Variants in PURG observed in about 807,000 individuals in gnomAD.
PURG encodes the protein purine-rich element-binding protein gamma.
PURG carries 3 observed loss-of-function variants against 24.3 expected under a neutral mutation model. The observed-to-expected ratio is 0.12, with a 90% CI of 0.06 to 0.32. The LOEUF (loss-of-function observed/expected upper bound fraction) is 0.32, where lower values mean the gene tolerates loss of function less well. Among genes scored for constraint, PURG ranks in the 10% least tolerant of loss-of-function variants. The pLI is 1.00. For missense variants in PURG, 371 were observed against 439.1 expected (o/e 0.84, Z 1.39); for synonymous variants, 180 against 173.1 (o/e 1.04, Z -0.31).
downstream of PURG, among the ~76,000 whole-genome samples, chr8:31,029,782 T>C (rs1035344583): frequency 6.6e-6 from 1 of 151,908 alleles, no homozygotes; most frequent in Non-Finnish European, 1.5e-5. Flanking sequence ...GTGCACATCA[T>C]TCCTTCATAG....
chr8:31,023,795 A>G (rs1051547323), intron 1 of PURG, among the ~76,000 whole-genome samples: 1 of 152,158 alleles, frequency 6.6e-6, no homozygotes, highest in African/African-American at 2.4e-5. Flanking sequence ...TATTTCTAGC[A>G]TAGGATATTG....
At chr8:31,003,479 T>C (rs1295903922) in intron 1 of PURG, among the ~76,000 whole-genome samples, 1 of 151,878 alleles carries the variant, frequency 6.6e-6, no homozygotes, top group Non-Finnish European at 1.5e-5. Flanking sequence ...TACAGAAAAC[T>C]GGCTGGGCAC....
At chr8:31,015,857 C>T (rs759645629) in intron 1 of PURG, among the ~76,000 whole-genome samples, 13 of 151,830 alleles carry the variant, frequency 8.6e-5, no homozygotes, top group African/African-American at 1.2e-4. Context: ...TTAACACCAG[C>T]TGGGTCAACA....
intron 1 of PURG, among the ~76,000 whole-genome samples, chr8:31,010,922 G>A (rs1034250763): frequency 1.3e-5 from 2 of 152,044 alleles, no homozygotes; most frequent in African/African-American, 4.8e-5. Flanking sequence ...AAAACTTTCA[G>A]GACAAATTTT....
At chr8:31,009,963 G>A (rs1463182393) in intron 1 of PURG, among the ~76,000 whole-genome samples, 1 of 152,128 alleles carries the variant, frequency 6.6e-6, no homozygotes, top group African/African-American at 2.4e-5. Context: ...TGGGCATGGT[G>A]GTGCATGCCT....
At chr8:30,996,655 G>A in exon 2 of PURG, 2 of 1,612,128 alleles carry the variant, frequency 1.2e-6, no homozygotes, top group Non-Finnish European at 1.7e-6. Flanking sequence ...TGACAACAGT[G>A]AAAAAGGTTG....
chr8:31,005,970 A>AT (rs766076078), intron 1 of PURG, among the ~76,000 whole-genome samples: 19 of 152,106 alleles, frequency 1.2e-4, no homozygotes, highest in South Asian at 2.1e-4. Context: ...AGGAAACAAG[A>AT]TTTTACCTTA....
intron 1 of PURG, among the ~76,000 whole-genome samples, chr8:31,020,720 A>G (rs570062706): frequency 2.6e-5 from 4 of 152,328 alleles, no homozygotes; most frequent in African/African-American, 9.6e-5. Context: ...AAGAAGGAGT[A>G]GCTCTCAGTC....
At chr8:31,011,109 A>G (rs1341440924) in intron 1 of PURG, among the ~76,000 whole-genome samples, 12 of 152,226 alleles carry the variant, frequency 7.9e-5, no homozygotes, top group Non-Finnish European at 1.5e-4. Flanking sequence ...ATTTTTGTCA[A>G]TCCAAACATA....
chr8:31,018,362 C>T (rs1013770523), intron 1 of PURG, among the ~76,000 whole-genome samples: 1 of 152,198 alleles, frequency 6.6e-6, no homozygotes, highest in Non-Finnish European at 1.5e-5. Context: ...TAACAATTCA[C>T]CTTTTCTGAT....
chr8:31,033,013 C>T (rs902032101), intron 1 of PURG, 65 bp downstream of exon 1: 1 of 180,770 alleles, frequency 5.5e-6, no homozygotes, highest in East Asian at 1.4e-4. Flanking sequence ...CGGGGCCGCT[C>T]CCGCACGCCG....
intron 1 of PURG, among the ~76,000 whole-genome samples, chr8:31,013,712 G>C (rs1006013331): frequency 6.6e-6 from 1 of 152,206 alleles, no homozygotes; most frequent in African/African-American, 2.4e-5. Flanking sequence ...ACTCCAGCCT[G>C]GGCAACAAGA....
chr8:31,027,070 C>T (rs1811104616), downstream of PURG, among the ~76,000 whole-genome samples: 6 of 151,684 alleles, frequency 4.0e-5, no homozygotes. Context: ...GTTGTTTCAA[C>T]AGCATGTTAA....
rs538598988 is a variant in PURG at position 31,022,438 on chromosome 8, TGGA to T, written c.864+9478_864+9480del. ...GTCATATAGAAATCTGGCAAGAGCG[TGGA>T]GAACAGTTCAGTGAAGTAGTAACCC... On this transcript the variant is annotated intron_variant, in intron 1 of 1. Coordinates refer to the PURG transcript ENST00000339382. 3.6e-3 allele frequency among the ~76,000 whole-genome samples: 552 copies of T among 152,340 alleles called. 4 individuals are homozygous for T. The highest frequency in any genetic ancestry group is 0.013 in the African/African-American group (532 of 41,582).
chr8:31,022,106 G>A (rs950432830), intron 1 of PURG, among the ~76,000 whole-genome samples: 2 of 152,026 alleles, frequency 1.3e-5, no homozygotes, highest in African/African-American at 4.8e-5. Context: ...GACTAGCTGG[G>A]ATTACAGGAG....
At chr8:31,024,960 A>G (rs1440665280) in intron 1 of PURG, among the ~76,000 whole-genome samples, 2 of 152,034 alleles carry the variant, frequency 1.3e-5, no homozygotes, top group Non-Finnish European at 2.9e-5. Context: ...AGAGGGTAAA[A>G]TGTGAAGACA....
intron 1 of PURG, among the ~76,000 whole-genome samples, chr8:31,022,777 CT>C (rs1198307759): frequency 6.6e-6 from 1 of 152,168 alleles, no homozygotes; most frequent in Non-Finnish European, 1.5e-5. Flanking sequence ...ACATTCTAGA[CT>C]GACAAATCAT....
chr8:31,027,759 G>A (rs1385422136), downstream of PURG, among the ~76,000 whole-genome samples: 2 of 151,694 alleles, frequency 1.3e-5, no homozygotes, highest in Non-Finnish European at 3.0e-5. Context: ...TCTCAGTAAA[G>A]TATTATTAAG....
intron 1 of PURG, among the ~76,000 whole-genome samples, chr8:31,000,093 A>G (rs117855046): frequency 0.011 from 1,620 of 152,246 alleles, 22 homozygotes; most frequent in South Asian, 0.025. Flanking sequence ...TGAAAACAGT[A>G]TTAAACACTG....
Sources: allele counts gnomAD v4.1 joint callset (sites outside exome capture counted in the v4.1 genomes callset), GRCh38; gene constraint gnomAD v4.1.1; transcripts MANE v1.5; gene names NCBI Gene and HGNC (gene_info 2026-07-23, HGNC 2026-07-21).